Variants in LSM8 observed in about 807,000 individuals in gnomAD.
The protein encoded by LSM8 is LSM8 homolog, U6 small nuclear RNA associated, also known as LSM8 U6 small nuclear RNA associated.
LSM8 carries 14 observed loss-of-function variants against 15.0 expected under a neutral mutation model. That is an observed-to-expected ratio of 0.93 (90% CI 0.62 to 1.46). The LOEUF is 1.46. LSM8 is among the 40% of genes most tolerant of loss of function. The pLI is 0.00. For synonymous variants in LSM8, 50 were observed against 42.1 expected, an observed-to-expected ratio of 1.19 and a Z score of -0.73; for missense variants, 90 against 115.4, an observed-to-expected ratio of 0.78 and a Z score of 1.01.
At chr7:118,191,653 A>C in intron 3 of LSM8, 1 of 345,444 alleles carries the variant, frequency 2.9e-6, no homozygotes, top group Non-Finnish European at 5.3e-6. Context: ...TGATACAATC[A>C]CTGTGTACAA....
In LSM8 at chr7:118,185,654, G is replaced by A. The variant is rs1178538195; in HGVS notation, c.32G>A (p.Arg11Gln). Residue 11 changes from arginine (R) to glutamine (Q), a missense_variant and splice_region_variant, in exon 2 of 4, where the codon CGA becomes CAA. Physicochemically the swap from Arg to Gln is conservative, Grantham distance 43. Transcript: ENST00000249299. Reference sequence around the variant, plus strand: ...ACACTTTCTTTGATTCAGTTATCAGGAACTGTTGCCGTTATTACATCAGAT... The same window carrying A: ...ACACTTTCTTTGATTCAGTTATCAGAAACTGTTGCCGTTATTACATCAGAT... MTSALENYIN[R>Q]TVAVITSDGR... 3.1e-6 allele frequency: 5 copies of A among 1,608,982 alleles called. No individual in the cohort carries two copies. Among genetic ancestry groups the A allele is most frequent in the South Asian group, 1.1e-5 (1 of 90,770 alleles).
At chr7:118,185,456 A>G (rs1009825590) in intron 1 of LSM8, 198 bp from the exon 2 acceptor site, 1 of 553,166 alleles carries the variant, frequency 1.8e-6, no homozygotes, top group South Asian at 2.3e-5. Flanking sequence ...GTGTTGCCCA[A>G]GCTGGTCTCA....
intron 1 of LSM8, chr7:118,184,616 A>G (rs1469738874): frequency 5.2e-6 from 1 of 190,878 alleles, no homozygotes; most frequent in African/African-American, 2.3e-5. Context: ...CAGTTTTGCA[A>G]ATCTTTGTAC....
At position 118,197,138 on chromosome 7, in the gene LSM8, CTCTCT is replaced by C. The variant is rs749664912; in HGVS notation, c.*5143_*5147del. 3.3e-4 allele frequency among the ~76,000 whole-genome samples: 50 copies of C among 151,862 alleles called. No individual in the cohort carries two copies. The highest frequency in any genetic ancestry group is 6.3e-4 in the Non-Finnish European group (43 of 67,976). On this transcript the variant is annotated 3_prime_UTR_variant, in exon 4 of 4. Coordinates refer to ENST00000249299, the MANE Select transcript of LSM8 (RefSeq NM_016200.5). ...TCCCTACAAGGATATGATACGCTTT[CTCTCT>C]TCTCTTTAGGGTAATGTTCAATTAC...
chr7:118,198,097 G>T lies in LSM8; in HGVS notation c.*6095G>T, dbSNP rs903053503. The stretch of plus-strand genomic sequence containing the variant: ...GACTGGAAATTTATTGTAAATGAAA[G>T]TATGCTTCCCTGGTGCAAAGGTAAT... On this transcript the variant is annotated 3_prime_UTR_variant, in exon 4 of 4. Transcript: ENST00000249299. Among the ~76,000 whole-genome samples, 1 of 152,126 alleles carries T rather than the reference G, an allele frequency of 6.6e-6. No homozygotes were observed. Among genetic ancestry groups the T allele is most frequent in the African/African-American group, 2.4e-5 (1 of 41,434 alleles).
At position 118,198,005 on chromosome 7, in the gene LSM8, T is replaced by C. The variant is rs1809109312; in HGVS notation, c.*6003T>C. ...ATTTATTGTGGCCTAGGAAAAGTAC[T>C]AAGAAGTAATTGATAGCATTCCCTG... On this transcript the variant is annotated 3_prime_UTR_variant, in exon 4 of 4. Coordinates refer to ENST00000249299, the MANE Select transcript of LSM8 (RefSeq NM_016200.5). 6.6e-6 allele frequency among the ~76,000 whole-genome samples: 1 copy of C among 152,166 alleles called. No homozygotes were observed. The highest frequency in any genetic ancestry group is 2.4e-5 in the African/African-American group (1 of 41,438).
rs1809151075 is a variant in LSM8, at chr7:118,200,309, G to A, written c.*8307G>A. 6.6e-6 allele frequency among the ~76,000 whole-genome samples: 1 copy of A among 152,048 alleles called. No homozygotes were observed. On this transcript the variant is annotated 3_prime_UTR_variant, in exon 4 of 4. Coordinates refer to ENST00000249299, the MANE Select transcript of LSM8 (RefSeq NM_016200.5). Reference sequence around the variant, plus strand: ...GTAGCTGCTCTGGTGCTCTCTAGAGGCAGAACTTGCTGAATTTGAAGACTA... The same window carrying A: ...GTAGCTGCTCTGGTGCTCTCTAGAGACAGAACTTGCTGAATTTGAAGACTA...
Position 118,197,195 on chromosome 7 carries a change from GTT to G in LSM8, c.*5206_*5207del, listed in dbSNP as rs34329832. Among the ~76,000 whole-genome samples the G allele has an allele frequency of 2.4e-3, 346 of 145,350 alleles. No individual in the cohort carries two copies. Among genetic ancestry groups the G allele is most frequent in the Middle Eastern group, 3.6e-3 (1 of 280 alleles). The stretch of plus-strand genomic sequence containing the variant: ...CTGCATATATTTTGCTATTATGTAG[GTT>G]TTTTTTTTTTTTCCACATATACTGG... On this transcript the variant is annotated 3_prime_UTR_variant, in exon 4 of 4. Transcript: ENST00000249299.
At chr7:118,188,184 G>T in intron 2 of LSM8, 94 bp from the exon 3 acceptor site, 1 of 1,400,368 alleles carries the variant, frequency 7.1e-7, no homozygotes, top group Non-Finnish European at 1.0e-6. Flanking sequence ...ACTTGTATTG[G>T]AATACCTGGC....
At chr7:118,185,573 AAAAATTCAAATC>A (rs1451453632) in intron 1 of LSM8, 69 bp from the exon 2 acceptor site, 1 of 1,268,588 alleles carries the variant, frequency 7.9e-7, no homozygotes, top group Non-Finnish European at 1.1e-6. Flanking sequence ...TATTTATTCT[AAAAATTCAAATC>A]ATTCCCTTGC....
In LSM8 at chr7:118,192,017, C is replaced by T. The variant is rs200035893; in HGVS notation, c.*15C>T. 1.9e-6 allele frequency: 3 copies of T among 1,559,970 alleles called. No individual in the cohort carries two copies. The African/African-American group carries it at 4.1e-5, about 21-fold the overall frequency. ...TAGCACACTGAGGAAAAACTACATA[C>T]TTGGACATCTGTAAATCTTTGTACA... is the stretch of plus-strand genomic sequence containing the variant. On this transcript the variant is annotated 3_prime_UTR_variant, in exon 4 of 4. Transcript: ENST00000249299.
In LSM8 at chr7:118,199,544, T is replaced by G. The variant is rs973257336; in HGVS notation, c.*7542T>G. On this transcript the variant is annotated 3_prime_UTR_variant, in exon 4 of 4. Transcript: ENST00000249299. ...GCTGGAAGTACAGAGTTTCAAAAGA[T>G]GTACATAAATTTATGGAAAGGAAAT... Among the ~76,000 whole-genome samples the G allele has an allele frequency of 6.6e-6, 1 of 152,130 alleles. No homozygotes were observed. The highest frequency in any genetic ancestry group is 2.4e-5 in the African/African-American group (1 of 41,436).
In LSM8 at chr7:118,188,308, AATTT is replaced by A; in HGVS notation, c.104_107del (p.Asn35ArgfsTer17). ...ACTGAAAGGTTTTGACCAGACCATTAATTTGATTTTGGATGAAAGCCATGAACGA... is the reference window on the plus strand; with the variant it reads ...ACTGAAAGGTTTTGACCAGACCATTAGATTTTGGATGAAAGCCATGAACGA... On this transcript the variant is annotated frameshift_variant, in exon 3 of 4. Coordinates refer to ENST00000249299, the MANE Select transcript of LSM8 (RefSeq NM_016200.5). LOFTEE classifies it high-confidence loss of function. The A allele has an allele frequency of 1.2e-6, 2 of 1,613,590 alleles. No individual in the cohort carries two copies. Among genetic ancestry groups the A allele is most frequent in the Non-Finnish European group, 1.7e-6 (2 of 1,179,516 alleles).
At position 118,191,984 on chromosome 7, in the gene LSM8, A is replaced by G; in HGVS notation, c.273A>G (p.Leu91=). The G allele has an allele frequency of 6.2e-7, 1 of 1,610,410 alleles. No individual in the cohort carries two copies. Among genetic ancestry groups the G allele is most frequent in the African/African-American group, 1.3e-5 (1 of 74,948 alleles). The part of the protein sequence containing the change: ...LDLGNIRAEP[L]NSVAH Reference sequence around the variant, plus strand: ...TGGGGAATATTCGAGCAGAACCTTTAAATTCTGTAGCACACTGAGGAAAAA... The same window carrying G: ...TGGGGAATATTCGAGCAGAACCTTTGAATTCTGTAGCACACTGAGGAAAAA... Residue 91 remains leucine (L), a synonymous_variant, in exon 4 of 4, where the codon TTA becomes TTG. Transcript: ENST00000249299.
chr7:118,187,001 G>T (rs1481847596), intron 2 of LSM8, among the ~76,000 whole-genome samples: 1 of 152,106 alleles, frequency 6.6e-6, no homozygotes, highest in Non-Finnish European at 1.5e-5. Context: ...GATATAAAAA[G>T]CATCTTAAGT....
At position 118,199,662 on chromosome 7, in the gene LSM8, T is replaced by A. The variant is rs1372812714; in HGVS notation, c.*7660T>A. 6.6e-6 allele frequency among the ~76,000 whole-genome samples: 1 copy of A among 152,120 alleles called. No individual in the cohort carries two copies. Among genetic ancestry groups the A allele is most frequent in the African/African-American group, 2.4e-5 (1 of 41,432 alleles). On this transcript the variant is annotated 3_prime_UTR_variant, in exon 4 of 4. Coordinates refer to ENST00000249299, the MANE Select transcript of LSM8 (RefSeq NM_016200.5). ...CTGTTCAACAATGAGAGTTACCAAA[T>A]GCCAGACACTGCTAAGTGCTGGGAA...
chr7:118,203,904 T>A lies in LSM8; in HGVS notation c.*11902T>A, dbSNP rs1187652025. ...TCTTACAGCTGTTTTTCTTGGTTGC[T>A]TTCTAATTCCTTTCCTCCCTTATTG... On this transcript the variant is annotated 3_prime_UTR_variant, in exon 4 of 4. Coordinates refer to ENST00000249299, the MANE Select transcript of LSM8 (RefSeq NM_016200.5). Among the ~76,000 whole-genome samples, 1 of 151,834 alleles carries A rather than the reference T, an allele frequency of 6.6e-6. No individual in the cohort carries two copies. Among genetic ancestry groups the A allele is most frequent in the Non-Finnish European group, 1.5e-5 (1 of 67,784 alleles).
rs6956486 is a variant in LSM8 at position 118,196,976 on chromosome 7, T to C, written c.*4974T>C. 0.7 allele frequency among the ~76,000 whole-genome samples: 105,356 copies of C among 151,454 alleles called. 36,843 individuals carry two copies. The highest frequency in any genetic ancestry group is 0.82 in the South Asian group (3,922 of 4,806). ...TCTCCTGACCTCGTGATCTGCCCAC[T>C]TCGGCGTCCCAAAGTGCTGGAATTA... On this transcript the variant is annotated 3_prime_UTR_variant, in exon 4 of 4. Transcript: ENST00000249299.
chr7:118,189,968 T>C (rs1562862091), intron 3 of LSM8: 1 of 152,200 alleles, frequency 6.6e-6, no homozygotes, highest in Admixed American at 6.5e-5. Flanking sequence ...AGTATAGTTA[T>C]AGAGGCTAGA....
Sources: gnomAD v4.1 joint callset for allele counts (sites outside exome capture counted in the v4.1 genomes callset) on GRCh38, gnomAD v4.1.1 for gene constraint, MANE v1.5 for transcripts, NCBI Gene and HGNC (gene_info 2026-07-23, HGNC 2026-07-21) for gene names.